The following TBC1D22A variants were observed in gnomAD, a reference collection of about 807,000 sequenced individuals.
The protein encoded by TBC1D22A is putative GTPase activator.
In TBC1D22A, 38 loss-of-function variants were observed where a neutral mutation model predicts 60.2. That is an observed-to-expected ratio of 0.63 (90% CI 0.49 to 0.83). The LOEUF (loss-of-function observed/expected upper bound fraction) is 0.83. TBC1D22A is among the 40% of genes least tolerant of loss of function. TBC1D22A has a pLI of 0.00. For synonymous variants in TBC1D22A, 302 were observed against 281.7 expected (o/e 1.07, Z -0.72); for missense variants, 628 against 701.0 (o/e 0.90, Z 1.18).
intron 8 of TBC1D22A, among the ~76,000 whole-genome samples, chr22:46,927,763 A>T (rs1160669702): frequency 1.3e-5 from 2 of 152,252 alleles, no homozygotes; most frequent in Admixed American, 1.3e-4. Flanking sequence ...AAGATTAAAA[A>T]ATCGGTTACA....
intron 8 of TBC1D22A, among the ~76,000 whole-genome samples, chr22:46,964,316 G>A (rs574323933): frequency 2.0e-5 from 3 of 152,288 alleles, no homozygotes; most frequent in African/African-American, 7.2e-5. Flanking sequence ...TGCCTTTTGA[G>A]TACCTTCTGG....
intron 11 of TBC1D22A, among the ~76,000 whole-genome samples, chr22:47,081,959 A>G (rs1244334700): frequency 6.6e-6 from 1 of 152,164 alleles, no homozygotes; most frequent in Non-Finnish European, 1.5e-5. Context: ...GGAGTTCAAG[A>G]CCAGCCTGGC....
Position 47,130,880 on chromosome 22 carries a change from G to A in TBC1D22A, c.1425+19277G>A, listed in dbSNP as rs2066656100. 2.6e-5 allele frequency among the ~76,000 whole-genome samples: 4 copies of A among 152,310 alleles called. No homozygotes were observed. The South Asian group carries it at 8.3e-4, about 32-fold the overall frequency. On this transcript the variant is annotated intron_variant, in intron 12 of 12. Transcript: ENST00000337137. ...TGCTATAAAGGAACACCCTGGCCTG[G>A]GTAATTTATAAAGGAAAGAGGTGTA...
chr22:46,977,968 A>G (rs1327790135), intron 9 of TBC1D22A, among the ~76,000 whole-genome samples: 1 of 152,262 alleles, frequency 6.6e-6, no homozygotes. Flanking sequence ...TCCAAACCGT[A>G]TTAGCGGTAT....
chr22:46,886,934 C>T (rs1421416528), intron 5 of TBC1D22A, among the ~76,000 whole-genome samples: 1 of 152,192 alleles, frequency 6.6e-6, no homozygotes, highest in Non-Finnish European at 1.5e-5. Context: ...TTGCTGATTC[C>T]TGTTGTAGAA....
In TBC1D22A at chr22:46,777,307, G is replaced by A. The variant is rs74879807; in HGVS notation, c.62+14459G>A. ...AGAAGAGGGCTCGAGGGAGAGGTACGAGGCAGGGATGAGCACATTGTCTAT... is the reference window on the plus strand; with the variant it reads ...AGAAGAGGGCTCGAGGGAGAGGTACAAGGCAGGGATGAGCACATTGTCTAT... On this transcript the variant is annotated intron_variant, in intron 1 of 12. Transcript: ENST00000337137. The surrounding 1 kb of genome is among the most constrained non-coding windows in gnomAD (Gnocchi z 4.5). 0.074 allele frequency among the ~76,000 whole-genome samples: 11,275 copies of A among 152,272 alleles called. 587 individuals are homozygous for A. Among genetic ancestry groups the A allele is most frequent in the Middle Eastern group, 0.11 (33 of 292 alleles).
chr22:46,877,875 A>G (rs1283945348), intron 4 of TBC1D22A, among the ~76,000 whole-genome samples: 1 of 152,140 alleles, frequency 6.6e-6, no homozygotes, highest in Non-Finnish European at 1.5e-5. Context: ...GGAGTGAGAC[A>G]CTCAAGGAGA....
chr22:47,172,836 T>G (rs1384334636), intron 12 of TBC1D22A, among the ~76,000 whole-genome samples: 1 of 152,116 alleles, frequency 6.6e-6, no homozygotes, highest in Non-Finnish European at 1.5e-5. Context: ...TGGTGTGAGG[T>G]GGTCATGCAG....
intron 9 of TBC1D22A, among the ~76,000 whole-genome samples, chr22:46,979,259 A>G (rs967856900): frequency 1.3e-5 from 2 of 152,378 alleles, no homozygotes; most frequent in Admixed American, 6.5e-5. Flanking sequence ...CCAGGGTGGC[A>G]GATAAAAGTC....
intron 4 of TBC1D22A, among the ~76,000 whole-genome samples, chr22:46,803,437 C>T (rs1160148161): frequency 6.6e-6 from 1 of 152,150 alleles, no homozygotes; most frequent in Admixed American, 6.5e-5. Flanking sequence ...TTGGAGATCT[C>T]GCTTCTGCTG....
chr22:47,105,273 G>A lies in TBC1D22A; in HGVS notation c.1330-6235G>A, dbSNP rs574060238. Among the ~76,000 whole-genome samples the A allele has an allele frequency of 5.6e-4, 85 of 152,180 alleles. No individual in the cohort carries two copies. In the Middle Eastern group the frequency reaches 0.01, roughly 18 times the overall value. ...TAATAGGGCAGAGCCTCCTCTTTCC[G>A]GTGGTGTGGTGAATGTGGTGTCCGA... On this transcript the variant is annotated intron_variant, in intron 11 of 12. Transcript: ENST00000337137.
At chr22:46,837,889 C>A (rs969853119) in intron 4 of TBC1D22A, among the ~76,000 whole-genome samples, 3 of 152,116 alleles carry the variant, frequency 2.0e-5, no homozygotes, top group African/African-American at 7.2e-5. Flanking sequence ...GGTGAAACCC[C>A]ATCTTTATTA....
Position 46,915,914 on chromosome 22 carries a change from C to T in TBC1D22A, c.1015+3726C>T, listed in dbSNP as rs1476813462. On this transcript the variant is annotated intron_variant, in intron 8 of 12. Coordinates refer to ENST00000337137, the MANE Select transcript of TBC1D22A (RefSeq NM_014346.5). ...GTCAGTGGGAGGTTCCAACTCTGCACATGCTGGCACTCAGAGCCCTCTCAG... is the reference window on the plus strand; with the variant it reads ...GTCAGTGGGAGGTTCCAACTCTGCATATGCTGGCACTCAGAGCCCTCTCAG... 1.3e-5 allele frequency: 6 copies of T among 449,214 alleles called. No individual in the cohort carries two copies. In the Admixed American group the frequency reaches 1.4e-4, roughly 11 times the overall value. The allele number at this position is 449,214 out of a possible 1,614,324, so 27.8% of individuals were successfully genotyped here.
chr22:47,163,089 G>T (rs1336177876), intron 12 of TBC1D22A, among the ~76,000 whole-genome samples: 1 of 152,226 alleles, frequency 6.6e-6, no homozygotes, highest in South Asian at 2.1e-4. Context: ...GACCAGGCAG[G>T]CGTGCCAGTG....
chr22:46,809,874 G>A (rs7364298), intron 4 of TBC1D22A, among the ~76,000 whole-genome samples: 1,530 of 152,168 alleles, frequency 0.01, 20 homozygotes, highest in African/African-American at 0.035. Context: ...GATGGCATTT[G>A]TTGTCCTTTT....
chr22:46,961,223 ATAT>A (rs1186491000), intron 8 of TBC1D22A, among the ~76,000 whole-genome samples: 1 of 152,178 alleles, frequency 6.6e-6, no homozygotes, highest in Non-Finnish European at 1.5e-5. Context: ...TTGTACCATA[ATAT>A]TAAGACAATC....
rs991868948 is a variant in TBC1D22A at position 46,770,038 on chromosome 22, G to A, written c.62+7190G>A. Among the ~76,000 whole-genome samples, 5 of 152,144 alleles carry A rather than the reference G, an allele frequency of 3.3e-5. No individual in the cohort carries two copies. In the South Asian group the frequency reaches 1.0e-3, roughly 31 times the overall value. On this transcript the variant is annotated intron_variant, in intron 1 of 12. Transcript: ENST00000337137. ...CCCTGTGAATATGTTCTGTTACATG[G>A]CAGAGGGGAATTAAGGTCGCTAATC...
intron 11 of TBC1D22A, among the ~76,000 whole-genome samples, chr22:47,095,148 G>C (rs1203948744): frequency 6.6e-6 from 1 of 152,260 alleles, no homozygotes; most frequent in Non-Finnish European, 1.5e-5. Flanking sequence ...TGGTAATTGT[G>C]AAACACAGTG....
intron 9 of TBC1D22A, among the ~76,000 whole-genome samples, chr22:46,978,324 T>C (rs900946241): frequency 3.9e-5 from 6 of 152,214 alleles, no homozygotes; most frequent in African/African-American, 7.2e-5. Flanking sequence ...ATAGAGAAAA[T>C]TAAAAATATT....
Sources: gnomAD v4.1 joint callset for allele counts (sites outside exome capture counted in the v4.1 genomes callset) on GRCh38, gnomAD v4.1.1 for gene constraint, Gnocchi (gnomAD v3.1) non-coding constraint, MANE v1.5 for transcripts, NCBI Gene and HGNC (gene_info 2026-07-23, HGNC 2026-07-21) for gene names.